Variants in FANCL observed in about 807,000 individuals in gnomAD.
The protein encoded by FANCL is E3 ubiquitin-protein ligase FANCL.
In FANCL, 69 loss-of-function variants were observed where a neutral mutation model predicts 59.4. The ratio of observed to expected loss-of-function variants is 1.16; its 90% CI spans 0.96 to 1.42. The LOEUF (loss-of-function observed/expected upper bound fraction) is 1.42, where lower values mean the gene tolerates loss of function less well. Among genes scored for constraint, FANCL ranks in the 40% most tolerant of loss-of-function variants. The pLI, the probability that FANCL is intolerant of heterozygous loss-of-function variation, is 0.00. For missense variants in FANCL, 519 were observed against 447.2 expected, an observed-to-expected ratio of 1.16 and a Z score of -1.45; for synonymous variants, 180 against 147.1, an observed-to-expected ratio of 1.22 and a Z score of -1.62.
chr2:58,241,092 G>T (rs1323791156), intron 1 of FANCL, 126 bp downstream of exon 1: 2 of 987,760 alleles, frequency 2.0e-6, no homozygotes, highest in Non-Finnish European at 3.1e-6. Context: ...CCCAAGAGCC[G>T]TTACGCGCCG....
At chr2:58,211,604 T>C (rs1691168571) in intron 5 of FANCL, among the ~76,000 whole-genome samples, 1 of 152,226 alleles carries the variant, frequency 6.6e-6, no homozygotes, top group Non-Finnish European at 1.5e-5. Flanking sequence ...GCTGCAAATT[T>C]TTTGAACTTT....
At chr2:58,161,323 G>C (rs1685128136) in intron 12 of FANCL, among the ~76,000 whole-genome samples, 199 bp downstream of exon 12, 1 of 151,818 alleles carries the variant, frequency 6.6e-6, no homozygotes. Context: ...GGATACTTCA[G>C]AACATTTCTC....
chr2:58,161,482 G>A (rs1558731608), intron 12 of FANCL, 40 bp downstream of exon 12: 2 of 1,209,576 alleles, frequency 1.7e-6, no homozygotes. Context: ...CCTATGTTGT[G>A]TTAGCGGAAA....
chr2:58,234,554 A>G (rs541043275), intron 1 of FANCL, among the ~76,000 whole-genome samples: 2 of 151,908 alleles, frequency 1.3e-5, no homozygotes, highest in South Asian at 4.1e-4. Context: ...GAGATCTTGG[A>G]AAGAAAAATA....
chr2:58,188,613 G>A (rs891529885), intron 7 of FANCL, among the ~76,000 whole-genome samples: 1 of 151,704 alleles, frequency 6.6e-6, no homozygotes, highest in Admixed American at 6.6e-5. Flanking sequence ...GCTGATTTTT[G>A]TATTTTTTGT....
In FANCL at chr2:58,232,109, T is replaced by C; in HGVS notation, c.100A>G (p.Arg34Gly). The change falls in exon 2 of 14, where the codon AGA (arginine) becomes GGA (glycine). Residue 34 changes from arginine (R) to glycine (G), a missense_variant. Physicochemically the swap from Arg to Gly is moderately radical, Grantham distance 125. Transcript: ENST00000233741. ...VYEGFISAQG[R>G]DFHLRIVLPE... ...AACACTATCCTAAGGTGGAAGTCTC[T>C]TCCCTGTGGAAAATATTGAAAAGGA... is the stretch of plus-strand genomic sequence containing the variant. The C allele has an allele frequency of 6.2e-7, 1 of 1,612,646 alleles. No individual in the cohort carries two copies. Among genetic ancestry groups the C allele is most frequent in the Non-Finnish European group, 8.5e-7 (1 of 1,178,918 alleles).
chr2:58,196,066 AAAAT>A (rs1249542927), intron 7 of FANCL, among the ~76,000 whole-genome samples: 2 of 152,164 alleles, frequency 1.3e-5, no homozygotes, highest in African/African-American at 4.8e-5. Context: ...TAAAGTATTT[AAAAT>A]AAATATAGTA....
chr2:58,239,913 T>C (rs1050160847), intron 1 of FANCL, among the ~76,000 whole-genome samples: 2 of 152,178 alleles, frequency 1.3e-5, no homozygotes, highest in African/African-American at 2.4e-5. Context: ...AAAATATTTT[T>C]AGACACGTAA....
chr2:58,195,739 A>G (rs1212141835), intron 7 of FANCL, among the ~76,000 whole-genome samples: 1 of 152,178 alleles, frequency 6.6e-6, no homozygotes. Flanking sequence ...GGACACAATA[A>G]TAACTATAAA....
chr2:58,171,239 C>A (rs1411515345), intron 7 of FANCL, among the ~76,000 whole-genome samples: 1 of 152,170 alleles, frequency 6.6e-6, no homozygotes, highest in Non-Finnish European at 1.5e-5. Flanking sequence ...TGCACAACTA[C>A]ATAGAAACTG....
chr2:58,215,454 G>A (rs912323453), intron 5 of FANCL, among the ~76,000 whole-genome samples: 1 of 152,044 alleles, frequency 6.6e-6, no homozygotes, highest in Admixed American at 6.6e-5. Flanking sequence ...GCTTGCTAAA[G>A]ACCAACACTT....
chr2:58,175,058 C>T (rs1282231019), intron 7 of FANCL, among the ~76,000 whole-genome samples: 2 of 151,776 alleles, frequency 1.3e-5, no homozygotes, highest in South Asian at 2.1e-4. Flanking sequence ...TTCCTCGACA[C>T]ATACTCCCTC....
At position 58,217,142 on chromosome 2, in the gene FANCL, GATTT is replaced by G. The variant is rs1364548567; in HGVS notation, c.374+4796_374+4799del. On this transcript the variant is annotated intron_variant, in intron 5 of 13. Coordinates refer to ENST00000233741, the MANE Select transcript of FANCL (RefSeq NM_018062.4). ...ACATATATATATATTTTTATATATA[GATTT>G]ATATATATATTTATATATTTTATAT... Among the ~76,000 whole-genome samples the G allele has an allele frequency of 1.8e-3, 117 of 64,982 alleles. 1 individual carries two copies. Among genetic ancestry groups the G allele is most frequent in the African/African-American group, 5.1e-3 (105 of 20,618 alleles). The allele number at this position is 64,982 out of a possible 152,430, so 42.6% of individuals were successfully genotyped here.
chr2:58,231,929 T>C (rs1693623588), intron 2 of FANCL, 125 bp downstream of exon 2: 2 of 771,454 alleles, frequency 2.6e-6, no homozygotes, highest in South Asian at 1.5e-5. Context: ...AAATGTTTCT[T>C]TTGGGGCAAA....
chr2:58,179,325 T>A (rs566625366), intron 7 of FANCL, among the ~76,000 whole-genome samples: 8 of 152,294 alleles, frequency 5.3e-5, no homozygotes, highest in Non-Finnish European at 7.4e-5. Flanking sequence ...GCTACCTGAC[T>A]TCAAACTATA....
chr2:58,186,801 A>G (rs1171671332), intron 7 of FANCL, among the ~76,000 whole-genome samples: 1 of 152,212 alleles, frequency 6.6e-6, no homozygotes, highest in African/African-American at 2.4e-5. Context: ...AACATACACC[A>G]CCACGAAGCT....
intron 7 of FANCL, 55 bp downstream of exon 7, chr2:58,198,539 C>T (rs769932054): frequency 6.9e-7 from 1 of 1,458,714 alleles, no homozygotes; most frequent in Admixed American, 1.7e-5. Flanking sequence ...TCTGGGACAA[C>T]TGTACTTTTT....
chr2:58,215,299 G>C (rs1486239455), intron 5 of FANCL, among the ~76,000 whole-genome samples: 1 of 152,024 alleles, frequency 6.6e-6, no homozygotes, highest in East Asian at 1.9e-4. Context: ...TATTTAAAAG[G>C]CTCCAACCAT....
At chr2:58,163,760 T>C (rs865858118) in intron 8 of FANCL, among the ~76,000 whole-genome samples, 2 of 152,004 alleles carry the variant, frequency 1.3e-5, no homozygotes, top group African/African-American at 2.4e-5. Context: ...TTTAATTAGA[T>C]TGCAATTCTG....
Sources: allele counts gnomAD v4.1 joint callset (sites outside exome capture counted in the v4.1 genomes callset), GRCh38; gene constraint gnomAD v4.1.1; transcripts MANE v1.5; gene names NCBI Gene and HGNC (gene_info 2026-07-23, HGNC 2026-07-21).